CDO1: variants seen among roughly 807,000 people sequenced by gnomAD.
The protein encoded by CDO1 is cysteine dioxygenase, type I.
In CDO1, 19 loss-of-function variants were observed where a neutral mutation model predicts 24.5. The observed-to-expected ratio is 0.77, with a 90% CI of 0.54 to 1.14. The LOEUF is 1.14. Among genes scored for constraint, CDO1 ranks in the 50% most tolerant of loss-of-function variants. The pLI, the probability that CDO1 is intolerant of heterozygous loss-of-function variation, is 0.00. For missense variants in CDO1, 244 were observed against 244.8 expected, an observed-to-expected ratio of 1.00 and a Z score of 0.02; for synonymous variants, 91 against 87.0, an observed-to-expected ratio of 1.05 and a Z score of -0.26.
In CDO1 at chr5:115,805,361, G is replaced by C; in HGVS notation, c.*72C>G. 3 of 1,290,370 alleles carry C rather than the reference G, an allele frequency of 2.3e-6. No homozygotes were observed. The highest frequency in any genetic ancestry group is 2.2e-6 in the Non-Finnish European group (2 of 893,660). 79.9% of individuals were successfully genotyped at this position (1,290,370 alleles called of 1,614,324 possible). ...TAAGTATATTACTGGATAGCACGTG[G>C]TAGGTAGCCTTTTTGTCCAAGGCAA... On this transcript the variant is annotated 3_prime_UTR_variant, in exon 5 of 5. Coordinates refer to ENST00000250535, the MANE Select transcript of CDO1 (RefSeq NM_001801.3).
intron 3 of CDO1, among the ~76,000 whole-genome samples, chr5:115,808,311 T>A (rs115453802): frequency 0.024 from 3,646 of 152,168 alleles, 50 homozygotes; most frequent in Non-Finnish European, 0.036. Context: ...CACTAGAAAC[T>A]AAAAGACAAA....
At chr5:115,808,216 C>T (rs1179891675) in intron 3 of CDO1, among the ~76,000 whole-genome samples, 1 of 152,050 alleles carries the variant, frequency 6.6e-6, no homozygotes, top group African/African-American at 2.4e-5. Flanking sequence ...TGGGCTCAAG[C>T]AATTCTTCCA....
At chr5:115,813,376 C>A in intron 1 of CDO1, 118 bp from the exon 2 acceptor site, 1 of 585,952 alleles carries the variant, frequency 1.7e-6, no homozygotes. Flanking sequence ...CACCTCTAAG[C>A]AACTTTGAAT....
At chr5:115,812,020 G>C (rs1272691189) in intron 2 of CDO1, among the ~76,000 whole-genome samples, 3 of 152,264 alleles carry the variant, frequency 2.0e-5, no homozygotes, top group African/African-American at 7.2e-5. Context: ...TGGTTACAGG[G>C]TTAATTAAAA....
In CDO1 at chr5:115,816,236, G is replaced by T; in HGVS notation, c.162C>A (p.Asp54Glu). 6.2e-7 allele frequency: 1 copy of T among 1,614,164 alleles called. No individual in the cohort carries two copies. The highest frequency in any genetic ancestry group is 8.5e-7 in the Non-Finnish European group (1 of 1,180,008). The change falls in exon 1 of 5, where the codon GAC becomes GAA. Residue 54 changes from aspartate (D) to glutamate (E), a missense_variant. Coordinates refer to ENST00000250535, the MANE Select transcript of CDO1 (RefSeq NM_001801.3). ...AGCTGCAGCGCGCTCACCTGTACTGGTCGAACTTGGCGTACATTGCCCACT... is the reference window on the plus strand; with the variant it reads ...AGCTGCAGCGCGCTCACCTGTACTGTTCGAACTTGGCGTACATTGCCCACT... ...PTEWAMYAKF[D>E]QYRYTRNLVD...
Position 115,816,483 on chromosome 5 carries a change from C to G in CDO1, c.-86G>C. 7.0e-7 allele frequency: 1 copy of G among 1,430,748 alleles called. No individual in the cohort carries two copies. The highest frequency in any genetic ancestry group is 1.2e-5 in the South Asian group (1 of 82,320). The allele number at this position is 1,430,748 out of a possible 1,614,324, so 88.6% of individuals were successfully genotyped here. Reference sequence around the variant, plus strand: ...AGCCAAGGAGCTGGGGGCGAGGGAGCCTAACAGCCCGCTAGACCGCTAAGC... The same window carrying G: ...AGCCAAGGAGCTGGGGGCGAGGGAGGCTAACAGCCCGCTAGACCGCTAAGC... On this transcript the variant is annotated 5_prime_UTR_variant, in exon 1 of 5. Coordinates refer to ENST00000250535, the MANE Select transcript of CDO1 (RefSeq NM_001801.3).
At chr5:115,811,733 C>T (rs902720312) in intron 2 of CDO1, among the ~76,000 whole-genome samples, 4 of 152,150 alleles carry the variant, frequency 2.6e-5, no homozygotes, top group Admixed American at 6.5e-5. Context: ...AGTAATTGTA[C>T]CACACTGAGA....
intron 1 of CDO1, among the ~76,000 whole-genome samples, chr5:115,813,628 T>C (rs1007246526): frequency 6.6e-6 from 1 of 152,174 alleles, no homozygotes. Flanking sequence ...TATTGTTTTT[T>C]TTTTTTTCTT....
chr5:115,806,602 A>C lies in CDO1; in HGVS notation c.404-84T>G, dbSNP rs2112677247. 8.2e-6 allele frequency: 8 copies of C among 975,010 alleles called. No individual in the cohort carries two copies. The East Asian group carries it at 2.1e-4, about 25-fold the overall frequency. 60.4% of individuals were successfully genotyped at this position (975,010 alleles called of 1,614,324 possible). A position where few individuals can be genotyped will look rare whatever the true frequency, so the allele number is the denominator to read the frequency against. On this transcript the variant is annotated intron_variant, in intron 3 of 4. Coordinates refer to ENST00000250535, the MANE Select transcript of CDO1 (RefSeq NM_001801.3). ...AAATCTCTGTGAGTCATCTGAGATC[A>C]TGAATCAATTGTGATGCAAATGGAA... is the stretch of plus-strand genomic sequence containing the variant.
Position 115,811,192 on chromosome 5 carries a change from G to A in CDO1, c.372C>T (p.Val124=), listed in dbSNP as rs754449062. The change falls in exon 3 of 5, where the codon GTC becomes GTT. Residue 124 remains valine, a synonymous_variant. Coordinates refer to ENST00000250535, the MANE Select transcript of CDO1 (RefSeq NM_001801.3). ...TGTAGGCACACTGGTTTTCCCTCAA[G>A]ACTCTTTCAGACTTCTTGACCATCT... ...SNEMVKKSER[V]LRENQCAYIN... is the part of the protein sequence containing the mutation. 123 of 1,613,608 alleles carry A rather than the reference G, an allele frequency of 7.6e-5. No homozygotes were observed. The highest frequency in any genetic ancestry group is 1.0e-4 in the Non-Finnish European group (120 of 1,179,732).
chr5:115,810,910 G>C (rs952294183), intron 3 of CDO1, among the ~76,000 whole-genome samples: 1 of 152,108 alleles, frequency 6.6e-6, no homozygotes, highest in African/African-American at 2.4e-5. Context: ...TATTTTAACT[G>C]TCTTAAGTCT....
At chr5:115,809,248 G>A (rs937289231) in intron 3 of CDO1, among the ~76,000 whole-genome samples, 2 of 151,984 alleles carry the variant, frequency 1.3e-5, no homozygotes, top group Admixed American at 1.3e-4. Flanking sequence ...ATTATATTTT[G>A]ATCTTTGCTT....
rs193243828 is a variant in CDO1, at chr5:115,815,812, C to G, written c.170+416G>C. The stretch of plus-strand genomic sequence containing the variant: ...CCTTAAGGTGTCAGGAGGGCCCGAA[C>G]CTGAGTGCGGTCTCTCCGCATCTCC... On this transcript the variant is annotated intron_variant, in intron 1 of 4. Coordinates refer to ENST00000250535, the MANE Select transcript of CDO1 (RefSeq NM_001801.3). Among the ~76,000 whole-genome samples the G allele has an allele frequency of 3.9e-3, 594 of 152,338 alleles. 5 individuals are homozygous for G. Among genetic ancestry groups the G allele is most frequent in the African/African-American group, 0.011 (457 of 41,590 alleles).
Position 115,805,124 on chromosome 5 carries a change from A to G in CDO1, c.*309T>C, listed in dbSNP as rs970470447. On this transcript the variant is annotated 3_prime_UTR_variant, in exon 5 of 5. Transcript: ENST00000250535. ...GTTCAGAGACCAAAGTATTTCCAAAAGCTATGAAAACCCTCACTGACGCTC... is the reference window on the plus strand; with the variant it reads ...GTTCAGAGACCAAAGTATTTCCAAAGGCTATGAAAACCCTCACTGACGCTC... The G allele has an allele frequency of 1.0e-4, 31 of 297,584 alleles. No individual in the cohort carries two copies. The highest frequency in any genetic ancestry group is 6.7e-4 in the African/African-American group (31 of 45,944). The allele number at this position is 297,584 out of a possible 1,614,324, so 18.4% of individuals were successfully genotyped here.
At chr5:115,808,938 A>G (rs1298164058) in intron 3 of CDO1, among the ~76,000 whole-genome samples, 1 of 152,214 alleles carries the variant, frequency 6.6e-6, no homozygotes, top group East Asian at 1.9e-4. Flanking sequence ...ATAGAACCAG[A>G]AGACTTAAGT....
At chr5:115,812,911 G>A (rs1045564802) in intron 2 of CDO1, among the ~76,000 whole-genome samples, 1 of 151,852 alleles carries the variant, frequency 6.6e-6, no homozygotes, top group Non-Finnish European at 1.5e-5. Flanking sequence ...GCCAGGCATG[G>A]TGGTGCATAC....
chr5:115,811,198 T>A lies in CDO1; in HGVS notation c.366A>T (p.Glu122Asp), dbSNP rs781615614. 1 of 1,613,856 alleles carries A rather than the reference T, an allele frequency of 6.2e-7. No individual in the cohort carries two copies. Among genetic ancestry groups the A allele is most frequent in the South Asian group, 1.1e-5 (1 of 91,060 alleles). ...CACACTGGTTTTCCCTCAAGACTCT[T>A]TCAGACTTCTTGACCATCTCATTGG... ...KKSNEMVKKS[E>D]RVLRENQCAY... Residue 122 changes from glutamate (E) to aspartate (D), a missense_variant, in exon 3 of 5, where the codon GAA becomes GAT. Transcript: ENST00000250535.
chr5:115,811,850 G>A (rs143080296), intron 2 of CDO1, among the ~76,000 whole-genome samples: 1 of 152,046 alleles, frequency 6.6e-6, no homozygotes. Flanking sequence ...CCATCCTAAA[G>A]TTACACTGTA....
chr5:115,816,180 G>C, intron 1 of CDO1, 48 bp downstream of exon 1: 1 of 1,581,284 alleles, frequency 6.3e-7, no homozygotes, highest in Non-Finnish European at 8.6e-7. Context: ...TTCCTCCTCA[G>C]ACGGGGCGAG....
Sources: gnomAD v4.1 joint callset for allele counts (sites outside exome capture counted in the v4.1 genomes callset) on GRCh38, gnomAD v4.1.1 for gene constraint, MANE v1.5 for transcripts, NCBI Gene and HGNC (gene_info 2026-07-23, HGNC 2026-07-21) for gene names.